KCNMA1: variants seen among roughly 807,000 people sequenced by gnomAD.
KCNMA1 encodes the protein Calcium-activated potassium channel subunit alpha-1.
KCNMA1 carries 29 observed loss-of-function variants against 140.0 expected under a neutral mutation model. The observed-to-expected ratio is 0.21, with a 90% CI of 0.15 to 0.28. The LOEUF is 0.28. Ranked by LOEUF, KCNMA1 falls within the 10% of genes least tolerant of loss-of-function variation. The pLI, the probability that KCNMA1 is intolerant of heterozygous loss-of-function variation, is 1.00. For missense variants in KCNMA1, 880 were observed against 1,602.2 expected (o/e 0.55, Z 7.70); for synonymous variants, 612 against 611.9 (o/e 1.00, Z 0.00).
chr10:77,070,121 T>A (rs571259561), intron 14 of KCNMA1, among the ~76,000 whole-genome samples: 104 of 152,188 alleles, frequency 6.8e-4, no homozygotes, highest in African/African-American at 2.5e-3. Context: ...TGGCCAGTAA[T>A]CCCTCTTTCT....
chr10:76,941,059 G>GAAAGAAAGAAAGAAAGAGAAAT (rs1565060551), intron 23 of KCNMA1, among the ~76,000 whole-genome samples: 2 of 95,766 alleles, frequency 2.1e-5, no homozygotes, highest in African/African-American at 9.5e-5. Context: ...GAAAGAGAAA[G>GAAAGAAAGAAAGAAAGAGAAAT]AAAGAAAGAA....
chr10:77,192,416 G>C (rs1018262362), intron 3 of KCNMA1, among the ~76,000 whole-genome samples: 5 of 152,054 alleles, frequency 3.3e-5, no homozygotes, highest in African/African-American at 1.2e-4. Flanking sequence ...ACCTAGATAG[G>C]TATAGCAAAA....
At chr10:77,415,379 A>T (rs1216959658) in intron 1 of KCNMA1, among the ~76,000 whole-genome samples, 1 of 152,218 alleles carries the variant, frequency 6.6e-6, no homozygotes, top group Non-Finnish European at 1.5e-5. Flanking sequence ...CTCAGCCAGG[A>T]TGACCCTGGC....
chr10:77,577,072 C>T (rs372864681), intron 1 of KCNMA1, among the ~76,000 whole-genome samples: 3 of 151,898 alleles, frequency 2.0e-5, no homozygotes, highest in East Asian at 3.9e-4. Flanking sequence ...CAGTAACTGA[C>T]CCCATGTTGA....
intron 3 of KCNMA1, among the ~76,000 whole-genome samples, chr10:77,210,375 T>C (rs933467106): frequency 1.3e-5 from 2 of 152,142 alleles, no homozygotes; most frequent in South Asian, 2.1e-4. Context: ...CCCTTCATGA[T>C]AGAAACTCTG....
At chr10:77,115,733 G>A (rs529258649) in intron 6 of KCNMA1, among the ~76,000 whole-genome samples, 22 of 152,288 alleles carry the variant, frequency 1.4e-4, no homozygotes, top group African/African-American at 5.3e-4. Context: ...GGGAGCTCTT[G>A]CCATATGCAG....
intron 1 of KCNMA1, among the ~76,000 whole-genome samples, chr10:77,449,893 C>T (rs1229832855): frequency 6.6e-6 from 1 of 151,904 alleles, no homozygotes; most frequent in Non-Finnish European, 1.5e-5. Context: ...CCACCTGCCT[C>T]GGCCTCCCAA....
intron 2 of KCNMA1, among the ~76,000 whole-genome samples, chr10:77,283,282 A>T (rs923110786): frequency 2.0e-5 from 3 of 152,134 alleles, no homozygotes; most frequent in Non-Finnish European, 2.9e-5. Context: ...TTTCTCCTCT[A>T]CCAATCTCAG....
At chr10:77,231,573 A>G (rs568218015) in intron 3 of KCNMA1, among the ~76,000 whole-genome samples, 1 of 152,182 alleles carries the variant, frequency 6.6e-6, no homozygotes, top group East Asian at 1.9e-4. Context: ...CTTTTCTAGG[A>G]GGAAAATACC....
At chr10:77,402,207 C>T (rs918023156) in intron 2 of KCNMA1, among the ~76,000 whole-genome samples, 1 of 152,126 alleles carries the variant, frequency 6.6e-6, no homozygotes, top group African/African-American at 2.4e-5. Context: ...ATGCAGAATC[C>T]ACTCCTCTTC....
At chr10:77,600,309 G>C (rs887195296) in intron 1 of KCNMA1, among the ~76,000 whole-genome samples, 1 of 152,212 alleles carries the variant, frequency 6.6e-6, no homozygotes, top group African/African-American at 2.4e-5. Flanking sequence ...CCTATCAAAA[G>C]GTAATGGAGG....
At position 77,056,103 on chromosome 10, in the gene KCNMA1, G is replaced by A. The variant is rs538121177; in HGVS notation, c.1750-16466C>T. Among the ~76,000 whole-genome samples the A allele has an allele frequency of 2.9e-4, 44 of 152,314 alleles. 1 individual carries two copies. The highest frequency in any genetic ancestry group is 5.3e-4 in the African/African-American group (22 of 41,570). On this transcript the variant is annotated intron_variant, in intron 14 of 27. Coordinates refer to ENST00000286628, the MANE Select transcript of KCNMA1 (RefSeq NM_001161352.2). ...AGCCTAAAATCAAGCCGATCAGGCCGGGCGCAGTGCCTCGTGTCTGTAATT... is the reference window on the plus strand; with the variant it reads ...AGCCTAAAATCAAGCCGATCAGGCCAGGCGCAGTGCCTCGTGTCTGTAATT...
intron 1 of KCNMA1, among the ~76,000 whole-genome samples, chr10:77,494,893 C>T (rs1260672928): frequency 2.0e-5 from 3 of 152,204 alleles, no homozygotes; most frequent in South Asian, 2.1e-4. Context: ...CTTACAGATT[C>T]ATCACCGCAA....
At chr10:77,017,274 C>T (rs990638720) in intron 17 of KCNMA1, among the ~76,000 whole-genome samples, 1 of 152,194 alleles carries the variant, frequency 6.6e-6, no homozygotes, top group Non-Finnish European at 1.5e-5. Flanking sequence ...TTCTCCTGTG[C>T]TCCCCAGCCT....
chr10:76,944,414 T>C (rs951414869), intron 23 of KCNMA1, among the ~76,000 whole-genome samples: 3 of 152,134 alleles, frequency 2.0e-5, no homozygotes, highest in Non-Finnish European at 4.4e-5. Context: ...CAAAAACATA[T>C]ACTGGAAGGA....
chr10:77,429,898 A>C (rs2154493769), intron 1 of KCNMA1, among the ~76,000 whole-genome samples: 1 of 152,302 alleles, frequency 6.6e-6, no homozygotes, highest in Middle Eastern at 3.4e-3. Flanking sequence ...AAATCCTACT[A>C]AGAGATGAGT....
intron 2 of KCNMA1, among the ~76,000 whole-genome samples, chr10:77,360,998 C>T (rs758725554): frequency 2.6e-5 from 4 of 152,116 alleles, no homozygotes; most frequent in South Asian, 4.2e-4. Context: ...CAAGGTGTCC[C>T]GGTGGGCACA....
intron 19 of KCNMA1, among the ~76,000 whole-genome samples, chr10:76,981,555 C>T (rs2079443773): frequency 6.6e-6 from 1 of 152,034 alleles, no homozygotes; most frequent in African/African-American, 2.4e-5. Context: ...CGTGTGCAGA[C>T]ACATGGGAGA....
At chr10:77,350,621 G>T (rs994277703) in intron 2 of KCNMA1, 1 of 152,200 alleles carries the variant, frequency 6.6e-6, no homozygotes, top group African/African-American at 2.4e-5. Flanking sequence ...TGATAAATTT[G>T]TTCTACTCTA....
Sources: allele counts gnomAD v4.1 joint callset (sites outside exome capture counted in the v4.1 genomes callset), GRCh38; gene constraint gnomAD v4.1.1; transcripts MANE v1.5; gene names NCBI Gene and HGNC (gene_info 2026-07-23, HGNC 2026-07-21).